The following MAP3K13 variants were observed in gnomAD, a reference collection of about 807,000 sequenced individuals.
MAP3K13 encodes leucine zipper-bearing kinase.
Under a neutral mutation model 104.0 loss-of-function variants are expected in MAP3K13, and 52 were observed. The observed-to-expected ratio is 0.50, with a 90% CI of 0.40 to 0.63. The LOEUF (loss-of-function observed/expected upper bound fraction) is 0.63. MAP3K13 is among the 20% of genes least tolerant of loss of function. The pLI is 0.00. For missense variants in MAP3K13, 914 were observed against 1,218.5 expected (o/e 0.75, Z 3.72); for synonymous variants, 394 against 442.2 (o/e 0.89, Z 1.37).
At chr3:185,303,810 C>G (rs1560040470) in intron 2 of MAP3K13, among the ~76,000 whole-genome samples, 1 of 151,686 alleles carries the variant, frequency 6.6e-6, no homozygotes, top group Non-Finnish European at 1.5e-5. Context: ...TTTCTATCCT[C>G]TATTTTATTT....
rs1723722355 is a variant in MAP3K13 at position 185,363,278 on chromosome 3, A to C, written c.-176A>C. On this transcript the variant is annotated 5_prime_UTR_variant, in exon 1 of 14. Transcript: ENST00000265026. ...TGTGGGTGGAATCCCCCTCCCCTTT[A>C]TTTTTCCAATTCTGCAAGGCTTTTA... 1.0e-6 allele frequency: 1 copy of C among 984,418 alleles called. No homozygotes were observed. The highest frequency in any genetic ancestry group is 6.2e-5 in the Admixed American group (1 of 16,196). 61.0% of individuals were successfully genotyped at this position (984,418 alleles called of 1,614,324 possible).
chr3:185,398,352 A>T (rs1029080363), intron 1 of MAP3K13, among the ~76,000 whole-genome samples: 3 of 152,202 alleles, frequency 2.0e-5, no homozygotes, highest in Non-Finnish European at 4.4e-5. Context: ...AAAAAATTTC[A>T]AACTTTTGAT....
At chr3:185,309,521 A>G (rs1659994016) in intron 2 of MAP3K13, among the ~76,000 whole-genome samples, 1 of 151,882 alleles carries the variant, frequency 6.6e-6, no homozygotes, top group Non-Finnish European at 1.5e-5. Context: ...ACAAAAAAAA[A>G]AAAAAAAAAG....
In MAP3K13 at chr3:185,449,943, C is replaced by A; in HGVS notation, c.1054C>A (p.Pro352Thr). Residue 352 changes from proline (P) to threonine (T), a missense_variant, in exon 6 of 14, where the codon CCT becomes ACT. By Grantham distance (38) the Pro-to-Thr change is conservative (BLOSUM62 -1). Coordinates refer to ENST00000265026, the MANE Select transcript of MAP3K13 (RefSeq NM_004721.5). ...TTGGGAGCTGCTGACAGGAGAGATC[C>A]CTTACAAAGATGTAGATTCTTCAGC... Reference protein sequence around the residue: ...VLWELLTGEIPYKDVDSSAII... With the variant: ...VLWELLTGEITYKDVDSSAII... The A allele has an allele frequency of 6.2e-7, 1 of 1,613,346 alleles. No individual in the cohort carries two copies. The highest frequency in any genetic ancestry group is 8.5e-7 in the Non-Finnish European group (1 of 1,179,714).
intron 1 of MAP3K13, among the ~76,000 whole-genome samples, chr3:185,403,871 C>T (rs1200133078): frequency 6.6e-6 from 1 of 152,188 alleles, no homozygotes; most frequent in Non-Finnish European, 1.5e-5. Context: ...GTTTTGTTAT[C>T]AACTCTATTA....
chr3:185,454,592 A>AT (rs1269695988), intron 7 of MAP3K13, among the ~76,000 whole-genome samples: 55 of 67,730 alleles, frequency 8.1e-4, no homozygotes, highest in East Asian at 1.7e-3. Context: ...TATGATATAT[A>AT]GATATATATG....
In MAP3K13 at chr3:185,318,868, C is replaced by T. The variant is rs545618495; in HGVS notation, c.-86+33225C>T. Among the ~76,000 whole-genome samples, 4 of 152,278 alleles carry T rather than the reference C, an allele frequency of 2.6e-5. No homozygotes were observed. In the South Asian group the frequency reaches 6.2e-4, roughly 24 times the overall value. ...AACTATACAGAGAACATTTGTGTACCTACAGCCTAGTTTAAGAAAGCAATA... is the reference window on the plus strand; with the variant it reads ...AACTATACAGAGAACATTTGTGTACTTACAGCCTAGTTTAAGAAAGCAATA... On this transcript the variant is annotated intron_variant, in intron 2 of 14. Transcript: ENST00000424227.
At chr3:185,434,802 A>G (rs1172984167) in intron 2 of MAP3K13, among the ~76,000 whole-genome samples, 1 of 152,132 alleles carries the variant, frequency 6.6e-6, no homozygotes, top group Non-Finnish European at 1.5e-5. Flanking sequence ...TAAATAGGGT[A>G]AAAAAGACAC....
At chr3:185,460,303 TTTTTA>T (rs757150100) in intron 7 of MAP3K13, among the ~76,000 whole-genome samples, 7 of 152,216 alleles carry the variant, frequency 4.6e-5, no homozygotes, top group Admixed American at 6.5e-5. Flanking sequence ...CTGTCTTTAC[TTTTTA>T]TTTTATTTTT....
At chr3:185,452,695 T>G (rs1715960649) in intron 7 of MAP3K13, among the ~76,000 whole-genome samples, 1 of 152,220 alleles carries the variant, frequency 6.6e-6, no homozygotes, top group African/African-American at 2.4e-5. Context: ...TGGCTGGTCC[T>G]AGGACGGTCT....
intron 4 of MAP3K13, among the ~76,000 whole-genome samples, chr3:185,446,258 A>C (rs538342962): frequency 3.5e-5 from 5 of 141,022 alleles, no homozygotes; most frequent in Non-Finnish European, 6.2e-5. Context: ...GCCTCTTATC[A>C]TTTTTTTTTT....
intron 2 of MAP3K13, among the ~76,000 whole-genome samples, chr3:185,347,408 C>G (rs773774088): frequency 7.2e-5 from 11 of 152,138 alleles, no homozygotes; most frequent in Non-Finnish European, 1.6e-4. Flanking sequence ...CTTTATACAT[C>G]TCTATTTACT....
intron 2 of MAP3K13, among the ~76,000 whole-genome samples, chr3:185,349,741 C>G (rs934094648): frequency 3.9e-5 from 6 of 152,176 alleles, no homozygotes; most frequent in African/African-American, 1.4e-4. Flanking sequence ...TAGCACATAC[C>G]AAGTGCTCTG....
chr3:185,443,804 G>A, intron 4 of MAP3K13, 168 bp downstream of exon 4: 1 of 586,694 alleles, frequency 1.7e-6, no homozygotes, highest in South Asian at 2.4e-5. Context: ...GACCTACCTG[G>A]TTACCTGTAG....
Position 185,456,002 on chromosome 3 carries a change from A to G in MAP3K13, c.1278+4607A>G, listed in dbSNP as rs1044428091. On this transcript the variant is annotated intron_variant, in intron 7 of 13. Coordinates refer to ENST00000265026, the MANE Select transcript of MAP3K13 (RefSeq NM_004721.5). The stretch of plus-strand genomic sequence containing the variant: ...TATATATGATATATATGAGATATAT[A>G]TGAGATATATATATATATGAGATAT... Among the ~76,000 whole-genome samples, 4 of 148,220 alleles carry G rather than the reference A, an allele frequency of 2.7e-5. No individual in the cohort carries two copies. In the Admixed American group the frequency reaches 2.7e-4, roughly 10 times the overall value.
At chr3:185,368,914 G>A (rs1012392213) in intron 1 of MAP3K13, among the ~76,000 whole-genome samples, 39 of 147,728 alleles carry the variant, frequency 2.6e-4, no homozygotes, top group Admixed American at 2.3e-3. Context: ...AGCCGAGATT[G>A]CACCACTGCA....
intron 2 of MAP3K13, among the ~76,000 whole-genome samples, chr3:185,431,466 A>T (rs537596981): frequency 6.6e-6 from 1 of 152,328 alleles, no homozygotes; most frequent in Non-Finnish European, 1.5e-5. Context: ...AGTCCTTGGG[A>T]TAAATTCCTA....
At chr3:185,428,145 A>G (rs1373669362) in intron 1 of MAP3K13, among the ~76,000 whole-genome samples, 1 of 152,128 alleles carries the variant, frequency 6.6e-6, no homozygotes, top group Non-Finnish European at 1.5e-5. Context: ...AATCACAACA[A>G]TATAAACCTC....
chr3:185,328,146 A>T (rs1050229571), intron 2 of MAP3K13, among the ~76,000 whole-genome samples: 2 of 152,188 alleles, frequency 1.3e-5, no homozygotes, highest in African/African-American at 4.8e-5. Flanking sequence ...TTTACATCAG[A>T]TCAGCCGGTG....
Sources: gnomAD v4.1 joint callset for allele counts (sites outside exome capture counted in the v4.1 genomes callset) on GRCh38, gnomAD v4.1.1 for gene constraint, MANE v1.5 for transcripts, NCBI Gene and HGNC (gene_info 2026-07-23, HGNC 2026-07-21) for gene names.